The following ALG9 variants were observed in gnomAD, a reference collection of about 807,000 sequenced individuals.
ALG9 encodes ALG9 alpha-1,2-mannosyltransferase.
ALG9 carries 55 observed loss-of-function variants against 81.8 expected under a neutral mutation model. The ratio of observed to expected loss-of-function variants is 0.67; its 90% CI spans 0.54 to 0.84. The LOEUF (loss-of-function observed/expected upper bound fraction) is 0.84. Among genes scored for constraint, ALG9 ranks in the 40% least tolerant of loss-of-function variants. The pLI is 0.00. For missense variants in ALG9, 629 were observed against 745.0 expected, an observed-to-expected ratio of 0.84 and a Z score of 1.81; for synonymous variants, 278 against 274.3, an observed-to-expected ratio of 1.01 and a Z score of -0.13.
At chr11:111,835,570 G>A (rs565404280) in intron 13 of ALG9, among the ~76,000 whole-genome samples, 1 of 152,282 alleles carries the variant, frequency 6.6e-6, no homozygotes, top group South Asian at 2.1e-4. Flanking sequence ...AATAGGCCAA[G>A]GAATGATATG....
intron 3 of ALG9, among the ~76,000 whole-genome samples, chr11:111,865,714 AATAT>A (rs1339778334): frequency 3.3e-5 from 5 of 152,342 alleles, no homozygotes; most frequent in East Asian, 1.9e-4. Flanking sequence ...GAAAATGTAC[AATAT>A]TATTTATACA....
intron 5 of ALG9, among the ~76,000 whole-genome samples, chr11:111,858,955 A>G (rs1488212307): frequency 1.3e-5 from 2 of 152,200 alleles, no homozygotes; most frequent in Non-Finnish European, 2.9e-5. Context: ...CTTTAATCTC[A>G]GTACTCTGGG....
chr11:111,788,401 G>A (rs1555067120), intron 14 of ALG9: 1 of 453,824 alleles, frequency 2.2e-6, no homozygotes. Context: ...ACAAAGCAGG[G>A]CTCCTATAAA....
intron 13 of ALG9, among the ~76,000 whole-genome samples, chr11:111,814,208 A>G (rs1420443565): frequency 6.6e-6 from 1 of 152,248 alleles, no homozygotes; most frequent in African/African-American, 2.4e-5. Context: ...AGGCAATAAC[A>G]TGTGTGATTA....
chr11:111,803,586 A>G (rs1238112376), intron 14 of ALG9, among the ~76,000 whole-genome samples: 1 of 152,106 alleles, frequency 6.6e-6, no homozygotes, highest in Non-Finnish European at 1.5e-5. Context: ...TAATCAAGAC[A>G]GTGTGGTACT....
At chr11:111,842,309 CA>C in intron 9 of ALG9, among the ~76,000 whole-genome samples, 1 of 152,142 alleles carries the variant, frequency 6.6e-6, no homozygotes, top group African/African-American at 2.4e-5. Flanking sequence ...TTTAATAAGG[CA>C]AAAAATTTTG....
downstream of ALG9, among the ~76,000 whole-genome samples, chr11:111,780,406 G>GT (rs1555056521): frequency 2.5e-4 from 35 of 139,954 alleles, no homozygotes; most frequent in South Asian, 9.2e-4. Flanking sequence ...TTTGTTTTTT[G>GT]TTTTTTTTGA....
At chr11:111,788,331 C>T (rs1946783512) in intron 14 of ALG9, 2 of 444,142 alleles carry the variant, frequency 4.5e-6, no homozygotes, top group South Asian at 3.2e-5. Flanking sequence ...CACTTCACTT[C>T]AACAGTGAAC....
intron 6 of ALG9, among the ~76,000 whole-genome samples, 200 bp from the exon 7 acceptor site, chr11:111,853,936 C>T (rs1027259438): frequency 6.6e-6 from 1 of 152,118 alleles, no homozygotes; most frequent in African/African-American, 2.4e-5. Flanking sequence ...AATAGAATTA[C>T]TGAGCTGCTG....
intron 14 of ALG9, among the ~76,000 whole-genome samples, chr11:111,799,792 C>G (rs1280491945): frequency 6.6e-6 from 1 of 152,128 alleles, no homozygotes; most frequent in Non-Finnish European, 1.5e-5. Context: ...TATAGATTAC[C>G]TTACATAAAA....
intron 4 of ALG9, among the ~76,000 whole-genome samples, chr11:111,863,329 G>T (rs1961026728): frequency 6.6e-6 from 1 of 152,126 alleles, no homozygotes; most frequent in Non-Finnish European, 1.5e-5. Flanking sequence ...CTGCACTCCA[G>T]CCTGGGTGAC....
At chr11:111,868,757 G>C in intron 2 of ALG9, 21 bp from the exon 3 acceptor site, 1 of 1,591,368 alleles carries the variant, frequency 6.3e-7, no homozygotes, top group Non-Finnish European at 8.6e-7. Flanking sequence ...AAAACAGATA[G>C]ATTCAGGGTT....
At chr11:111,826,731 G>A (rs1228320456) in intron 13 of ALG9, among the ~76,000 whole-genome samples, 1 of 152,154 alleles carries the variant, frequency 6.6e-6, no homozygotes, top group African/African-American at 2.4e-5. Context: ...GCAGGCTCTT[G>A]CAATCTGAAA....
At chr11:111,855,792 T>G (rs558131277) in intron 6 of ALG9, among the ~76,000 whole-genome samples, 1 of 152,186 alleles carries the variant, frequency 6.6e-6, no homozygotes, top group East Asian at 1.9e-4. Context: ...GAAGAGGACC[T>G]AAGATACAAT....
chr11:111,831,870 A>G (rs1017552528), intron 13 of ALG9, among the ~76,000 whole-genome samples: 3 of 152,236 alleles, frequency 2.0e-5, no homozygotes, highest in African/African-American at 7.2e-5. Flanking sequence ...CAAAAATGCA[A>G]ATTTTTTCCA....
At chr11:111,797,645 T>C (rs1019878795) in intron 14 of ALG9, among the ~76,000 whole-genome samples, 4 of 152,268 alleles carry the variant, frequency 2.6e-5, no homozygotes, top group Non-Finnish European at 5.9e-5. Context: ...AGTCGTCTTA[T>C]CTTCCATAGA....
chr11:111,815,071 A>G (rs1555095704), intron 13 of ALG9, among the ~76,000 whole-genome samples: 2 of 152,144 alleles, frequency 1.3e-5, no homozygotes. Context: ...GGTGTCGGGT[A>G]CAAGGCCTAC....
rs2136182127 is a variant in ALG9, at chr11:111,785,787, A to C, written c.*610T>G. The C allele has an allele frequency of 4.2e-6, 1 of 239,734 alleles. No homozygotes were observed. Among genetic ancestry groups the C allele is most frequent in the African/African-American group, 2.3e-5 (1 of 44,046 alleles). 14.9% of individuals were successfully genotyped at this position (239,734 alleles called of 1,614,324 possible). A position where few individuals can be genotyped will look rare whatever the true frequency, so the allele number is the denominator to read the frequency against. ...TTAGGTCACAGTTCCTCAAATGGTC[A>C]CCTTTTTCCTGAGATAGCTCCAGGA... On this transcript the variant is annotated 3_prime_UTR_variant, in exon 15 of 15. Coordinates refer to ENST00000616540, the MANE Select transcript of ALG9 (RefSeq NM_024740.2).
chr11:111,833,007 G>A (rs560380251), intron 13 of ALG9, among the ~76,000 whole-genome samples: 1 of 152,278 alleles, frequency 6.6e-6, no homozygotes, highest in South Asian at 2.1e-4. Context: ...ACTCCAGCCT[G>A]GGTGACAGAG....
Sources: gnomAD v4.1 joint callset for allele counts (sites outside exome capture counted in the v4.1 genomes callset) on GRCh38, gnomAD v4.1.1 for gene constraint, MANE v1.5 for transcripts, NCBI Gene and HGNC (gene_info 2026-07-23, HGNC 2026-07-21) for gene names.